The following COL5A2 variants were observed in gnomAD, a reference collection of about 807,000 sequenced individuals.
COL5A2 encodes collagen type V alpha 2 chain, also known as collagen alpha-2(V) chain.
Under a neutral mutation model 208.2 loss-of-function variants are expected in COL5A2, and 23 were observed. The ratio of observed to expected loss-of-function variants is 0.11; its 90% CI spans 0.08 to 0.16. The LOEUF (loss-of-function observed/expected upper bound fraction) is 0.16, where lower values mean the gene tolerates loss of function less well. COL5A2 is among the 10% of genes least tolerant of loss of function. The pLI is 1.00. For missense variants in COL5A2, 1,590 were observed against 1,956.4 expected (o/e 0.81, Z 3.53); for synonymous variants, 625 against 628.5 (o/e 0.99, Z 0.08).
chr2:189,406,286 TCTA>T, the COL5A2 span, among the ~76,000 whole-genome samples: 1 of 152,198 alleles, frequency 6.6e-6, no homozygotes, highest in South Asian at 2.1e-4. Context: ...ATATATTTCT[TCTA>T]CTATTTTATA....
chr2:189,171,668 T>C (rs1482830848), intron 1 of COL5A2, among the ~76,000 whole-genome samples: 1 of 152,240 alleles, frequency 6.6e-6, no homozygotes, highest in Non-Finnish European at 1.5e-5. Flanking sequence ...AAGTTTTGGA[T>C]ACACTGAATT....
the COL5A2 span, among the ~76,000 whole-genome samples, chr2:189,265,127 A>G: frequency 6.6e-6 from 1 of 152,216 alleles, no homozygotes; most frequent in Admixed American, 6.5e-5. Context: ...AAGTATTATA[A>G]GAACAAAACT....
At chr2:189,241,324 C>G in the COL5A2 span, among the ~76,000 whole-genome samples, 1 of 152,072 alleles carries the variant, frequency 6.6e-6, no homozygotes, top group African/African-American at 2.4e-5. Context: ...AGCCACTAGA[C>G]AATATATTGA....
At chr2:189,236,769 T>G in the COL5A2 span, among the ~76,000 whole-genome samples, 1 of 151,874 alleles carries the variant, frequency 6.6e-6, no homozygotes, top group African/African-American at 2.4e-5. Flanking sequence ...ATGTAAGACC[T>G]TTATATATAT....
chr2:189,187,523 T>C (rs910634717), intron 1 of COL5A2, among the ~76,000 whole-genome samples: 2 of 152,166 alleles, frequency 1.3e-5, no homozygotes, highest in Non-Finnish European at 2.9e-5. Context: ...ACCTACCTCA[T>C]TGGTAATTGT....
At chr2:189,289,808 A>C in the COL5A2 span, among the ~76,000 whole-genome samples, 1 of 152,204 alleles carries the variant, frequency 6.6e-6, no homozygotes, top group African/African-American at 2.4e-5. Flanking sequence ...CTACCAAAGT[A>C]ATAAAATACT....
At chr2:189,034,333 T>TA (rs946239293) in intron 53 of COL5A2, 117 bp from the exon 54 acceptor site, 77 of 1,042,432 alleles carry the variant, frequency 7.4e-5, no homozygotes, top group Non-Finnish European at 9.3e-5. Flanking sequence ...GAGTACTACT[T>TA]AAAAAAAAGG....
At chr2:189,046,059 TATTA>T in intron 45 of COL5A2, 152 bp from the exon 46 acceptor site, 4 of 468,248 alleles carry the variant, frequency 8.5e-6, no homozygotes, top group East Asian at 4.1e-5. Flanking sequence ...TACTTATATT[TATTA>T]ATTAATAAAT....
chr2:189,367,498 T>G, the COL5A2 span, among the ~76,000 whole-genome samples: 3 of 152,322 alleles, frequency 2.0e-5, no homozygotes, highest in South Asian at 6.2e-4. Context: ...ACTATTGCCT[T>G]TATATGGCCA....
At chr2:189,309,744 T>C in the COL5A2 span, among the ~76,000 whole-genome samples, 1 of 152,238 alleles carries the variant, frequency 6.6e-6, no homozygotes. Flanking sequence ...CAGACCTTTA[T>C]GGATTTGCCA....
At chr2:189,088,344 G>C (rs903780415) in intron 8 of COL5A2, among the ~76,000 whole-genome samples, 2 of 152,102 alleles carry the variant, frequency 1.3e-5, no homozygotes, top group East Asian at 1.9e-4. Context: ...CCAAACCACT[G>C]TTTCTAAGAG....
At position 189,054,139 on chromosome 2, in the gene COL5A2, A is replaced by G. The variant is rs908291838; in HGVS notation, c.2445+20T>C. ...AGGACTCATAATTTTGAGTGTACAA[A>G]TTAACAACTTGTGACTTACCTTTTC... On this transcript the variant is annotated intron_variant, in intron 36 of 53. Transcript: ENST00000374866. The G allele has an allele frequency of 6.2e-7, 1 of 1,610,020 alleles. No individual in the cohort carries two copies. The highest frequency in any genetic ancestry group is 8.5e-7 in the Non-Finnish European group (1 of 1,176,342).
At chr2:189,355,040 T>C in the COL5A2 span, among the ~76,000 whole-genome samples, 30 of 152,098 alleles carry the variant, frequency 2.0e-4, no homozygotes, top group Non-Finnish European at 1.6e-4. Flanking sequence ...ATTATTTACC[T>C]AGTAGTCATT....
At position 189,179,516 on chromosome 2, in the gene COL5A2, T is replaced by A. The variant is rs892085408; in HGVS notation, c.89A>T (p.Asp30Val). The A allele has an allele frequency of 1.9e-6, 3 of 1,611,650 alleles. No homozygotes were observed. The East Asian group carries it at 6.7e-5, about 36-fold the overall frequency. The change falls in exon 1 of 54, where the codon GAC (aspartate) becomes GTC (valine). Residue 30 changes from aspartate to valine, a missense_variant. Asp to Val is a radical substitution (Grantham distance 152). Coordinates refer to ENST00000374866, the MANE Select transcript of COL5A2 (RefSeq NM_000393.5). ...GCAAATGGCAAACTCACCATCCTCGTCTTCTTCCTGGGCTTTTATTGAGAC... is the reference window on the plus strand; with the variant it reads ...GCAAATGGCAAACTCACCATCCTCGACTTCTTCCTGGGCTTTTATTGAGAC... ...QFVSIKAQEE[D>V]EDEGYGEEIA... is the part of the protein sequence containing the mutation.
At chr2:189,325,315 TA>T in the COL5A2 span, among the ~76,000 whole-genome samples, 29 of 139,010 alleles carry the variant, frequency 2.1e-4, no homozygotes, top group African/African-American at 3.6e-4. Context: ...TAAAGTATAA[TA>T]AAAAAAAATA....
the COL5A2 span, among the ~76,000 whole-genome samples, chr2:189,292,487 A>G: frequency 6.6e-6 from 1 of 152,210 alleles, no homozygotes; most frequent in African/African-American, 2.4e-5. Context: ...TATGCAGCCA[A>G]AAAACACATG....
chr2:189,238,814 A>G, the COL5A2 span, among the ~76,000 whole-genome samples: 1 of 151,532 alleles, frequency 6.6e-6, no homozygotes, highest in Admixed American at 6.6e-5. Context: ...TGATCCAACT[A>G]CTCTCCACCT....
At position 189,066,474 on chromosome 2, in the gene COL5A2, C is replaced by A. The variant is rs752649242; in HGVS notation, c.1479G>T (p.Pro493=). 6.2e-7 allele frequency: 1 copy of A among 1,614,108 alleles called. No individual in the cohort carries two copies. Among genetic ancestry groups the A allele is most frequent in the Admixed American group, 1.7e-5 (1 of 60,000 alleles). The stretch of plus-strand genomic sequence containing the variant: ...TGCCTTCTTCACCGGGTGGGCCTAT[C>A]GGACCCTGAATACCATGTGGCCCCT... ...GEPGPHGIQG[P]IGPPGEEGKR... The change falls in exon 23 of 54, where the codon CCG becomes CCT. Residue 493 remains proline, a synonymous_variant. Transcript: ENST00000374866.
intron 33 of COL5A2, 118 bp from the exon 34 acceptor site, chr2:189,057,545 T>C (rs1685928101): frequency 1.3e-6 from 1 of 743,826 alleles, no homozygotes; most frequent in Admixed American, 2.1e-5. Flanking sequence ...ACTTAGTGCT[T>C]ATATTTTTCA....
Sources: allele counts gnomAD v4.1 joint callset (sites outside exome capture counted in the v4.1 genomes callset), GRCh38; gene constraint gnomAD v4.1.1; transcripts MANE v1.5; gene names NCBI Gene and HGNC (gene_info 2026-07-23, HGNC 2026-07-21).